The following KPNA1 variants were observed in gnomAD, a reference collection of about 807,000 sequenced individuals.
KPNA1 encodes the protein karyopherin subunit alpha 1.
In KPNA1, 10 loss-of-function variants were observed where a neutral mutation model predicts 70.5. That is an observed-to-expected ratio of 0.14 (90% CI 0.09 to 0.24). The LOEUF is 0.24. Ranked by LOEUF, KPNA1 falls within the 10% of genes least tolerant of loss-of-function variation. KPNA1 has a pLI of 1.00. For synonymous variants in KPNA1, 192 were observed against 221.9 expected, an observed-to-expected ratio of 0.87 and a Z score of 1.20; for missense variants, 397 against 637.9, an observed-to-expected ratio of 0.62 and a Z score of 4.07.
At chr3:122,466,072 G>A (rs2076377202) in intron 3 of KPNA1, among the ~76,000 whole-genome samples, 1 of 152,112 alleles carries the variant, frequency 6.6e-6, no homozygotes, top group Non-Finnish European at 1.5e-5. Context: ...TTTCTGAAGG[G>A]CCTAGAAACT....
chr3:122,450,455 G>A (rs1408623231), intron 8 of KPNA1, among the ~76,000 whole-genome samples: 2 of 152,034 alleles, frequency 1.3e-5, no homozygotes, highest in African/African-American at 4.8e-5. Context: ...GGTGGTATGC[G>A]CCTGTAATCC....
Position 122,453,879 on chromosome 3 carries a change from G to A in KPNA1, c.555C>T (p.Val185=), listed in dbSNP as rs1249673359. 1.2e-6 allele frequency: 2 copies of A among 1,600,718 alleles called. No individual in the cohort carries two copies. Among genetic ancestry groups the A allele is most frequent in the Admixed American group, 1.8e-5 (1 of 56,784 alleles). Residue 185 remains valine, a synonymous_variant, in exon 6 of 14, where the codon GTC becomes GTT. Transcript: ENST00000344337. ...TTTGTTTCATTTTTACCTGTTCCTG[G>A]ACATCTTCAAACTCTGAGCTGAGCA... ...IELLSSEFED[V]QEQAVWALGN... is the part of the protein sequence containing the mutation.
At chr3:122,493,643 A>C (rs2076725343) in intron 2 of KPNA1, among the ~76,000 whole-genome samples, 1 of 152,252 alleles carries the variant, frequency 6.6e-6, no homozygotes, top group South Asian at 2.1e-4. Context: ...TTTGACTTAC[A>C]GGATATGAGG....
At chr3:122,491,764 G>A (rs1025463233) in intron 2 of KPNA1, among the ~76,000 whole-genome samples, 7 of 148,710 alleles carry the variant, frequency 4.7e-5, no homozygotes, top group Middle Eastern at 3.2e-3. Context: ...GATGTACCAC[G>A]GTATCTAAAT....
At chr3:122,506,019 C>T (rs1234156385) in intron 1 of KPNA1, among the ~76,000 whole-genome samples, 1 of 152,236 alleles carries the variant, frequency 6.6e-6, no homozygotes, top group Non-Finnish European at 1.5e-5. Flanking sequence ...GTCTAAACTT[C>T]TTGGTCCTGC....
chr3:122,500,292 T>C (rs2076812651), intron 1 of KPNA1, among the ~76,000 whole-genome samples: 1 of 152,074 alleles, frequency 6.6e-6, no homozygotes, highest in African/African-American at 2.4e-5. Context: ...TGGCTACTTT[T>C]TGTATTTTTA....
At chr3:122,450,642 T>G (rs1050434853) in intron 8 of KPNA1, among the ~76,000 whole-genome samples, 1 of 152,164 alleles carries the variant, frequency 6.6e-6, no homozygotes, top group Non-Finnish European at 1.5e-5. Context: ...GGAACACTTT[T>G]ACACTGTTGC....
chr3:122,429,380 G>A (rs1041548833), intron 12 of KPNA1, among the ~76,000 whole-genome samples: 6 of 149,828 alleles, frequency 4.0e-5, no homozygotes, highest in African/African-American at 1.2e-4. Context: ...CACAGGAGGC[G>A]GAGGTTGCAG....
chr3:122,507,422 C>G, intron 1 of KPNA1, among the ~76,000 whole-genome samples: 1 of 126,796 alleles, frequency 7.9e-6, no homozygotes, highest in East Asian at 2.3e-4. Context: ...GCCTGGGCGA[C>G]AGAGCAAGAC....
intron 2 of KPNA1, among the ~76,000 whole-genome samples, chr3:122,485,521 G>A (rs147269393): frequency 6.6e-6 from 1 of 150,712 alleles, no homozygotes; most frequent in Non-Finnish European, 1.5e-5. Flanking sequence ...TCTTTAAAAT[G>A]TTACTTTTGT....
At chr3:122,481,923 A>T (rs1203910496) in intron 2 of KPNA1, among the ~76,000 whole-genome samples, 2 of 151,844 alleles carry the variant, frequency 1.3e-5, no homozygotes, top group Middle Eastern at 3.2e-3. Flanking sequence ...GCTCAATGAA[A>T]TTTTTTTTTA....
chr3:122,455,076 GA>G (rs1225656370), intron 5 of KPNA1, among the ~76,000 whole-genome samples: 1 of 152,134 alleles, frequency 6.6e-6, no homozygotes, highest in African/African-American at 2.4e-5. Flanking sequence ...TTAAATCAGA[GA>G]AAATAACAAG....
intron 2 of KPNA1, among the ~76,000 whole-genome samples, chr3:122,480,987 T>A (rs975358752): frequency 5.9e-5 from 9 of 152,076 alleles, no homozygotes; most frequent in African/African-American, 2.2e-4. Flanking sequence ...AGACCCTGCC[T>A]CAAAAAAGAT....
rs1020073528 is a variant in KPNA1 at position 122,422,692 on chromosome 3, G to A, written c.*4293C>T. 2.6e-5 allele frequency: 4 copies of A among 152,204 alleles called. No individual in the cohort carries two copies. The highest frequency in any genetic ancestry group is 7.2e-5 in the African/African-American group (3 of 41,450). 9.4% of individuals were successfully genotyped at this position (152,204 alleles called of 1,614,324 possible). ...CTAAGTGTTGTAACCTTGGGGCAAA[G>A]TAATTTCTCGTAAGTCTTCACTTTG... is the stretch of plus-strand genomic sequence containing the variant. On this transcript the variant is annotated 3_prime_UTR_variant, in exon 14 of 14. Coordinates refer to ENST00000344337, the MANE Select transcript of KPNA1 (RefSeq NM_002264.4).
chr3:122,448,342 C>G (rs1311059720), intron 9 of KPNA1, among the ~76,000 whole-genome samples: 1 of 152,124 alleles, frequency 6.6e-6, no homozygotes, highest in Non-Finnish European at 1.5e-5. Context: ...TGGAACCAAC[C>G]CAAATGTCCA....
intron 2 of KPNA1, 60 bp from the exon 3 acceptor site, chr3:122,467,489 A>G (rs1051037960): frequency 2.1e-5 from 20 of 961,582 alleles, no homozygotes; most frequent in Non-Finnish European, 3.2e-5. Context: ...GGAGTTCAAC[A>G]TTCAAATACT....
intron 2 of KPNA1, among the ~76,000 whole-genome samples, chr3:122,468,180 A>G (rs2076402545): frequency 6.6e-6 from 1 of 152,198 alleles, no homozygotes; most frequent in East Asian, 1.9e-4. Context: ...AGAAAAACCC[A>G]AGATAAGCCC....
chr3:122,433,909 T>C (rs2075949352), intron 11 of KPNA1, 121 bp from the exon 12 acceptor site: 4 of 751,270 alleles, frequency 5.3e-6, no homozygotes, highest in Non-Finnish European at 6.2e-6. Flanking sequence ...CAGAAATAAA[T>C]TGAAAAGAGT....
chr3:122,440,926 ATACAT>A (rs1251930086), intron 10 of KPNA1, among the ~76,000 whole-genome samples: 3 of 152,240 alleles, frequency 2.0e-5, no homozygotes, highest in Admixed American at 2.0e-4. Context: ...TTTAAAGTAA[ATACAT>A]TACAGTTAGA....
Sources: allele counts gnomAD v4.1 joint callset (sites outside exome capture counted in the v4.1 genomes callset), GRCh38; gene constraint gnomAD v4.1.1; transcripts MANE v1.5; gene names NCBI Gene and HGNC (gene_info 2026-07-23, HGNC 2026-07-21).